The following ARHGAP26 variants were observed in gnomAD, a reference collection of about 807,000 sequenced individuals.
The protein encoded by ARHGAP26 is rho GTPase-activating protein 26.
Under a neutral mutation model 104.8 loss-of-function variants are expected in ARHGAP26, and 38 were observed. That is an observed-to-expected ratio of 0.36 (90% CI 0.28 to 0.48). The LOEUF (loss-of-function observed/expected upper bound fraction) is 0.48, where lower values mean the gene tolerates loss of function less well. Among genes scored for constraint, ARHGAP26 ranks in the 20% least tolerant of loss-of-function variants. ARHGAP26 has a pLI of 0.99. For synonymous variants in ARHGAP26, 341 were observed against 340.0 expected (o/e 1.00, Z -0.03); for missense variants, 704 against 947.9 (o/e 0.74, Z 3.38).
chr5:142,812,101 C>T (rs1251276931), intron 1 of ARHGAP26, among the ~76,000 whole-genome samples: 1 of 152,146 alleles, frequency 6.6e-6, no homozygotes, highest in Non-Finnish European at 1.5e-5. Flanking sequence ...CCCACCCCGT[C>T]TACTGCCTTT....
intron 1 of ARHGAP26, among the ~76,000 whole-genome samples, chr5:142,845,978 G>T (rs1771862423): frequency 6.6e-6 from 1 of 151,878 alleles, no homozygotes; most frequent in South Asian, 2.1e-4. Context: ...TTTTTCCCCT[G>T]TGAGACCAAT....
intron 17 of ARHGAP26, among the ~76,000 whole-genome samples, chr5:143,105,309 G>A (rs537969847): frequency 3.9e-5 from 6 of 152,018 alleles, no homozygotes; most frequent in African/African-American, 4.8e-5. Context: ...CCCGGGAGGC[G>A]GAGGTTGTGT....
chr5:142,899,400 C>G (rs1759952648), intron 6 of ARHGAP26, among the ~76,000 whole-genome samples: 1 of 152,046 alleles, frequency 6.6e-6, no homozygotes, highest in African/African-American at 2.4e-5. Flanking sequence ...ATGTTGTCAG[C>G]TAGGAAGTAG....
At chr5:142,883,909 G>C (rs1024383024) in intron 4 of ARHGAP26, among the ~76,000 whole-genome samples, 18 of 152,162 alleles carry the variant, frequency 1.2e-4, no homozygotes, top group South Asian at 2.1e-4. Context: ...TTTTTGTCTT[G>C]TATTTCTGGT....
chr5:142,999,539 G>A (rs1480888656), intron 11 of ARHGAP26, among the ~76,000 whole-genome samples: 6 of 152,008 alleles, frequency 3.9e-5, no homozygotes, highest in Admixed American at 1.3e-4. Flanking sequence ...TGACTCAGAA[G>A]CACCTCTAAA....
At chr5:142,892,119 C>T (rs1361938982) in intron 5 of ARHGAP26, among the ~76,000 whole-genome samples, 1 of 151,962 alleles carries the variant, frequency 6.6e-6, no homozygotes, top group East Asian at 1.9e-4. Flanking sequence ...AACTGTTGTT[C>T]TTATCACAAA....
chr5:142,804,497 T>A (rs1404471600), intron 1 of ARHGAP26, among the ~76,000 whole-genome samples: 1 of 152,192 alleles, frequency 6.6e-6, no homozygotes, highest in Non-Finnish European at 1.5e-5. Context: ...TTATTTTTTA[T>A]TTTTATTTTT....
rs1040225139 is a variant in ARHGAP26 at position 143,187,118 on chromosome 5, G to A, written c.1989-20080G>A. On this transcript the variant is annotated intron_variant, in intron 20 of 22. Transcript: ENST00000645722. ...CTTTAATTATCACCAATCCTATGAG[G>A]TGTAAGTATTATTAATGATCCCCAT... 2.6e-5 allele frequency among the ~76,000 whole-genome samples: 4 copies of A among 152,074 alleles called. No homozygotes were observed. The East Asian group carries it at 7.7e-4, about 29-fold the overall frequency.
chr5:142,770,780 G>C lies in ARHGAP26; in HGVS notation c.19G>C (p.Glu7Gln). ...GCGCACCATGGGGCTCCCAGCGCTC[G>C]AGTTCAGCGACTGCTGCCTCGATAG... is the stretch of plus-strand genomic sequence containing the variant. Reference protein sequence around the residue: MGLPALEFSDCCLDSPH... With the variant: MGLPALQFSDCCLDSPH... Residue 7 changes from glutamate (E) to glutamine (Q), a missense_variant, in exon 1 of 23, where the codon GAG becomes CAG. This residue lies in a region of ARHGAP26 where 77 missense variants were observed against 82.6 expected (regional missense o/e 0.93). Coordinates refer to ENST00000645722, the MANE Select transcript of ARHGAP26 (RefSeq NM_001135608.3). 6.5e-7 allele frequency: 1 copy of C among 1,542,222 alleles called. No homozygotes were observed. Among genetic ancestry groups the C allele is most frequent in the South Asian group, 1.2e-5 (1 of 83,970 alleles).
chr5:142,778,043 C>T (rs539557647), intron 1 of ARHGAP26, among the ~76,000 whole-genome samples: 7 of 152,146 alleles, frequency 4.6e-5, no homozygotes, highest in South Asian at 2.1e-4. Flanking sequence ...ATGATGGCAC[C>T]GTGGGCTAGG....
intron 10 of ARHGAP26, among the ~76,000 whole-genome samples, chr5:142,927,720 G>T (rs1165337870): frequency 6.6e-6 from 1 of 152,166 alleles, no homozygotes; most frequent in African/African-American, 2.4e-5. Context: ...CATAGGGCAG[G>T]TTTATGTTTA....
At chr5:142,977,674 C>A (rs796552505) in intron 11 of ARHGAP26, among the ~76,000 whole-genome samples, 3 of 152,266 alleles carry the variant, frequency 2.0e-5, no homozygotes, top group African/African-American at 7.2e-5. Flanking sequence ...AGTTGCTAGC[C>A]ATCTCCTGGT....
intron 11 of ARHGAP26, among the ~76,000 whole-genome samples, chr5:142,957,607 C>G (rs988158673): frequency 5.3e-5 from 8 of 152,212 alleles, no homozygotes; most frequent in Admixed American, 5.2e-4. Flanking sequence ...TATGGAGAGT[C>G]TCTTACGTAG....
chr5:142,991,451 A>G (rs1446691760), intron 11 of ARHGAP26, among the ~76,000 whole-genome samples: 2 of 152,102 alleles, frequency 1.3e-5, no homozygotes, highest in South Asian at 2.1e-4. Context: ...CTCACACTCC[A>G]TGGGCTGCAC....
chr5:142,842,747 C>A (rs1342362899), intron 1 of ARHGAP26, among the ~76,000 whole-genome samples: 1 of 152,108 alleles, frequency 6.6e-6, no homozygotes, highest in African/African-American at 2.4e-5. Context: ...AATGGAAATT[C>A]CCTCAACATT....
intron 12 of ARHGAP26, among the ~76,000 whole-genome samples, chr5:143,026,080 T>A (rs1185606550): frequency 6.6e-6 from 1 of 152,204 alleles, no homozygotes; most frequent in Non-Finnish European, 1.5e-5. Context: ...CCTGTTTGTC[T>A]CATGCTTCCC....
At chr5:143,067,163 A>G (rs1372999223) in intron 17 of ARHGAP26, among the ~76,000 whole-genome samples, 1 of 151,740 alleles carries the variant, frequency 6.6e-6, no homozygotes, top group Non-Finnish European at 1.5e-5. Flanking sequence ...ATGAAGACTC[A>G]TCTTTGTCTG....
chr5:143,047,775 T>G (rs750825172), intron 14 of ARHGAP26, among the ~76,000 whole-genome samples: 3 of 152,162 alleles, frequency 2.0e-5, no homozygotes, highest in Non-Finnish European at 2.9e-5. Flanking sequence ...ATTCTTAGCC[T>G]ATTTTTCTAT....
intron 11 of ARHGAP26, among the ~76,000 whole-genome samples, chr5:142,959,758 T>A (rs1221960114): frequency 1.3e-5 from 2 of 152,250 alleles, no homozygotes; most frequent in African/African-American, 4.8e-5. Flanking sequence ...CTTGGGACTT[T>A]AATTGTATCT....
Sources: allele counts gnomAD v4.1 joint callset (sites outside exome capture counted in the v4.1 genomes callset), GRCh38; gene constraint gnomAD v4.1.1; regional missense constraint gnomAD v4.1.1; transcripts MANE v1.5; gene names NCBI Gene and HGNC (gene_info 2026-07-23, HGNC 2026-07-21).